Variants in FRMD4B observed in about 807,000 individuals in gnomAD.
FRMD4B encodes FERM domain containing 4B.
FRMD4B carries 74 observed loss-of-function variants against 141.5 expected under a neutral mutation model. That is an observed-to-expected ratio of 0.52 (90% CI 0.43 to 0.63). FRMD4B has a LOEUF of 0.63. FRMD4B is among the 30% of genes least tolerant of loss of function. FRMD4B has a pLI of 0.00. For missense variants in FRMD4B, 1,366 were observed against 1,253.4 expected, an observed-to-expected ratio of 1.09 and a Z score of -1.36; for synonymous variants, 506 against 467.9, an observed-to-expected ratio of 1.08 and a Z score of -1.05.
chr3:69,312,670 G>A (rs758391806), intron 2 of FRMD4B, among the ~76,000 whole-genome samples: 1 of 152,214 alleles, frequency 6.6e-6, no homozygotes, highest in Admixed American at 6.5e-5. Context: ...AGGCTGAGGA[G>A]GGTGGATCAC....
intron 1 of FRMD4B, among the ~76,000 whole-genome samples, chr3:69,465,803 T>C (rs1423191545): frequency 6.6e-6 from 1 of 152,236 alleles, no homozygotes; most frequent in African/African-American, 2.4e-5. Flanking sequence ...GATGGACATT[T>C]GGGTTGGTTC....
intron 2 of FRMD4B, among the ~76,000 whole-genome samples, chr3:69,416,218 C>T (rs1469227852): frequency 6.6e-6 from 1 of 152,160 alleles, no homozygotes; most frequent in Non-Finnish European, 1.5e-5. Flanking sequence ...TGAAAGCTGA[C>T]ATACAGAAAG....
chr3:69,393,486 G>A (rs922948), intron 2 of FRMD4B, among the ~76,000 whole-genome samples: 102,500 of 152,066 alleles, frequency 0.67, 34,669 homozygotes, highest in East Asian at 0.7. Context: ...GATGGTTCCA[G>A]GGAAGTCCAG....
intron 3 of FRMD4B, among the ~76,000 whole-genome samples, chr3:69,307,240 A>C (rs1360894149): frequency 6.6e-6 from 1 of 152,128 alleles, no homozygotes; most frequent in Non-Finnish European, 1.5e-5. Context: ...AACTGGGAAA[A>C]AGGCTGTGTG....
rs369488988 is a variant in FRMD4B at position 69,196,301 on chromosome 3, C to T, written c.1188G>A (p.Thr396=). 1.9e-5 allele frequency: 30 copies of T among 1,608,232 alleles called. No homozygotes were observed. In the East Asian group the frequency reaches 2.7e-4, roughly 14 times the overall value. Residue 396 remains threonine (T), a synonymous_variant, in exon 14 of 23, where the codon ACG becomes ACA. Coordinates refer to ENST00000398540, the MANE Select transcript of FRMD4B (RefSeq NM_015123.3). ...QRASKLVTLE[T]KSQFIMASNG... ...TACTTGCCATGATGAACTGACTTTT[C>T]GTCTCCAGTGTCACCAGCTTGGAGG... is the stretch of plus-strand genomic sequence containing the variant.
intron 1 of FRMD4B, among the ~76,000 whole-genome samples, chr3:69,329,454 A>C (rs1470891409): frequency 1.3e-5 from 2 of 150,066 alleles, no homozygotes; most frequent in Non-Finnish European, 3.0e-5. Flanking sequence ...GGTTCAAGCA[A>C]TTCTCCTACC....
chr3:69,215,342 G>A (rs1341489135), intron 11 of FRMD4B, among the ~76,000 whole-genome samples: 1 of 95,680 alleles, frequency 1.0e-5, no homozygotes, highest in African/African-American at 3.7e-5. Context: ...GCCCAGGCTG[G>A]AGTGCGGTGG....
intron 3 of FRMD4B, among the ~76,000 whole-genome samples, chr3:69,310,100 G>T (rs1202952047): frequency 6.6e-6 from 1 of 152,142 alleles, no homozygotes; most frequent in East Asian, 1.9e-4. Flanking sequence ...CTTCTGCCTT[G>T]TTGAGCCCTC....
At chr3:69,301,730 C>T (rs1366125225) in intron 4 of FRMD4B, among the ~76,000 whole-genome samples, 2 of 152,228 alleles carry the variant, frequency 1.3e-5, no homozygotes, top group South Asian at 4.1e-4. Flanking sequence ...TAGCTGAATG[C>T]ATCCATTTCA....
chr3:69,362,251 C>A (rs13077078), intron 1 of FRMD4B, among the ~76,000 whole-genome samples: 55,602 of 151,926 alleles, frequency 0.37, 12,118 homozygotes, highest in African/African-American at 0.61. Context: ...CAGATGAGAA[C>A]ACTGAGGCAT....
At chr3:69,231,897 G>A (rs2093309164) in intron 7 of FRMD4B, among the ~76,000 whole-genome samples, 1 of 152,216 alleles carries the variant, frequency 6.6e-6, no homozygotes, top group African/African-American at 2.4e-5. Flanking sequence ...TGGACTGGCA[G>A]TAGCTGAGTG....
chr3:69,329,394 G>A (rs1702289567), intron 1 of FRMD4B, among the ~76,000 whole-genome samples: 1 of 151,990 alleles, frequency 6.6e-6, no homozygotes, highest in Non-Finnish European at 1.5e-5. Flanking sequence ...CCGTCACCCA[G>A]GCTGGAGTGC....
chr3:69,349,951 A>G (rs1703080740), intron 1 of FRMD4B, among the ~76,000 whole-genome samples: 1 of 152,216 alleles, frequency 6.6e-6, no homozygotes, highest in Non-Finnish European at 1.5e-5. Context: ...AAGCAATGGC[A>G]ACAAAAGCCA....
In FRMD4B at chr3:69,525,720, C is replaced by T. The variant is rs6768784; in HGVS notation, c.-129+16486G>A. On this transcript the variant is annotated intron_variant, in intron 1 of 5. Transcript: ENST00000459638. The stretch of plus-strand genomic sequence containing the variant: ...AGTCTGGAGTGCAGTGGCACAATCA[C>T]GGCTCACTGCAGCCTCAACCTCCCT... Among the ~76,000 whole-genome samples, 318 of 152,168 alleles carry T rather than the reference C, an allele frequency of 2.1e-3. 2 individuals are homozygous for T. The highest frequency in any genetic ancestry group is 7.2e-3 in the African/African-American group (299 of 41,532).
At chr3:69,420,724 G>C in intron 2 of FRMD4B, among the ~76,000 whole-genome samples, 1 of 152,178 alleles carries the variant, frequency 6.6e-6, no homozygotes, top group Non-Finnish European at 1.5e-5. Context: ...CTATTTCAAA[G>C]CCTCCTGTGT....
intron 1 of FRMD4B, among the ~76,000 whole-genome samples, chr3:69,539,840 A>AGTGTGT (rs147346385): frequency 6.0e-5 from 9 of 150,762 alleles, no homozygotes; most frequent in African/African-American, 9.7e-5. Flanking sequence ...GTGTTCAAAC[A>AGTGTGT]GTGTGTGTGT....
intron 11 of FRMD4B, among the ~76,000 whole-genome samples, chr3:69,204,037 T>C (rs1352312490): frequency 6.6e-6 from 1 of 152,152 alleles, no homozygotes; most frequent in Non-Finnish European, 1.5e-5. Context: ...TGATACACCC[T>C]CTAGGTAGGA....
At chr3:69,229,799 G>A (rs563999866) in intron 7 of FRMD4B, among the ~76,000 whole-genome samples, 9 of 152,110 alleles carry the variant, frequency 5.9e-5, no homozygotes, top group Admixed American at 3.3e-4. Flanking sequence ...ACAAGGACCC[G>A]GGTTCAAATG....
chr3:69,481,193 C>T (rs1352383563), intron 1 of FRMD4B, among the ~76,000 whole-genome samples: 1 of 152,214 alleles, frequency 6.6e-6, no homozygotes, highest in East Asian at 1.9e-4. Context: ...CCTGCTTCAG[C>T]TTGCGCACGG....
Sources: gnomAD v4.1 joint callset for allele counts (sites outside exome capture counted in the v4.1 genomes callset) on GRCh38, gnomAD v4.1.1 for gene constraint, MANE v1.5 for transcripts, NCBI Gene and HGNC (gene_info 2026-07-23, HGNC 2026-07-21) for gene names.